Variants in GRM4 observed in about 807,000 individuals in gnomAD.
The protein encoded by GRM4 is glutamate metabotropic receptor 4.
A neutral mutation model predicts 81.7 loss-of-function variants in GRM4; 28 were observed. The observed-to-expected ratio is 0.34, with a 90% CI of 0.25 to 0.47. GRM4 has a LOEUF of 0.47. Among genes scored for constraint, GRM4 ranks in the 20% least tolerant of loss-of-function variants. GRM4 has a pLI of 1.00. For missense variants in GRM4, 948 were observed against 1,290.0 expected, an observed-to-expected ratio of 0.73 and a Z score of 4.06; for synonymous variants, 488 against 528.8, an observed-to-expected ratio of 0.92 and a Z score of 1.06.
In GRM4 at chr6:34,114,120, C is replaced by G. The variant is rs1175322037; in HGVS notation, c.519+18858G>C. Among the ~76,000 whole-genome samples the G allele has an allele frequency of 6.6e-6, 1 of 152,196 alleles. No individual in the cohort carries two copies. The highest frequency in any genetic ancestry group is 1.9e-4 in the East Asian group (1 of 5,180). On this transcript the variant is annotated intron_variant, in intron 2 of 10. Transcript: ENST00000538487. This position sits in a 1 kb window ranked among gnomAD's most constrained non-coding sequence, Gnocchi z 4.3. The stretch of plus-strand genomic sequence containing the variant: ...TGCCTTGTGTACAAGAGCCCTTCCC[C>G]TCCTTCACAACTCTCTAGCCCCTGG...
At chr6:34,044,777 C>CAA (rs1216770714) in intron 6 of GRM4, among the ~76,000 whole-genome samples, 2 of 141,968 alleles carry the variant, frequency 1.4e-5, no homozygotes, top group Admixed American at 1.4e-4. Context: ...TAGACATACA[C>CAA]ATACACACAC....
chr6:34,132,120 T>A (rs956601287), intron 2 of GRM4, among the ~76,000 whole-genome samples: 1 of 152,100 alleles, frequency 6.6e-6, no homozygotes, highest in African/African-American at 2.4e-5. Flanking sequence ...TTGGCTCCAA[T>A]TGAATTGCAA....
intron 5 of GRM4, among the ~76,000 whole-genome samples, chr6:34,056,912 T>A (rs1299676905): frequency 6.6e-6 from 1 of 152,234 alleles, no homozygotes; most frequent in Non-Finnish European, 1.5e-5. Context: ...AACTGCTGCC[T>A]TTATGGAAGA....
rs1317539380 is a variant in GRM4, at chr6:34,152,528, T to G, written c.312+2551A>C. Among the ~76,000 whole-genome samples the G allele has an allele frequency of 6.6e-6, 1 of 152,038 alleles. No individual in the cohort carries two copies. Among genetic ancestry groups the G allele is most frequent in the East Asian group, 1.9e-4 (1 of 5,180 alleles). ...CAGCAGCATTTCTGCAAACACCCCTTGTCCTCCTCCTCCTCTTCAGCTTTC... is the reference window on the plus strand; with the variant it reads ...CAGCAGCATTTCTGCAAACACCCCTGGTCCTCCTCCTCCTCTTCAGCTTTC... On this transcript the variant is annotated intron_variant, in intron 1 of 8. Transcript: ENST00000374177. The surrounding 1 kb of genome is among the most constrained non-coding windows in gnomAD (Gnocchi z 4.1).
At chr6:34,072,332 TCAC>T (rs1276634093) in intron 3 of GRM4, among the ~76,000 whole-genome samples, 9 of 106,914 alleles carry the variant, frequency 8.4e-5, no homozygotes, top group African/African-American at 2.6e-4. Context: ...CACACACACA[TCAC>T]CACATGGATG....
At chr6:34,141,942 A>T (rs1770711378) in intron 1 of GRM4, among the ~76,000 whole-genome samples, 2 of 152,200 alleles carry the variant, frequency 1.3e-5, no homozygotes, top group Admixed American at 6.5e-5. Flanking sequence ...GTACACAGAG[A>T]GAGGAGAGAC....
intron 2 of GRM4, among the ~76,000 whole-genome samples, chr6:34,110,177 C>G (rs1313745151): frequency 6.6e-6 from 1 of 152,110 alleles, no homozygotes; most frequent in Non-Finnish European, 1.5e-5. Flanking sequence ...AACTATAGTT[C>G]CAGCTACTCG....
intron 2 of GRM4, among the ~76,000 whole-genome samples, chr6:34,109,693 C>T (rs910901595): frequency 1.3e-5 from 2 of 152,144 alleles, no homozygotes; most frequent in Non-Finnish European, 1.5e-5. Flanking sequence ...TTACCCTCTA[C>T]GGTGTCCCTG....
intron 1 of GRM4, among the ~76,000 whole-genome samples, chr6:34,141,979 A>T (rs1770713587): frequency 6.6e-6 from 1 of 152,312 alleles, no homozygotes; most frequent in East Asian, 1.9e-4. Context: ...ACCAAGAAAA[A>T]GCAGCCTGCA....
Position 34,127,122 on chromosome 6 carries a change from C to T in GRM4, c.519+5856G>A, listed in dbSNP as rs546324871. Among the ~76,000 whole-genome samples, 143 of 152,264 alleles carry T rather than the reference C, an allele frequency of 9.4e-4. 1 individual carries two copies. Among genetic ancestry groups the T allele is most frequent in the Middle Eastern group, 6.8e-3 (2 of 294 alleles). On this transcript the variant is annotated intron_variant, in intron 2 of 10. Transcript: ENST00000538487. ...AGGCCAGATTTGGCTCCTAGTCTAT[C>T]GTTTGCTAACCCCTGGGCTAGAGGG... is the stretch of plus-strand genomic sequence containing the variant.
chr6:34,123,286 C>T (rs1769887916), intron 2 of GRM4, among the ~76,000 whole-genome samples: 1 of 152,198 alleles, frequency 6.6e-6, no homozygotes, highest in Non-Finnish European at 1.5e-5. Context: ...AGTCCCCATG[C>T]AAGGAGGCTC....
At chr6:34,103,824 CG>C (rs1484852448) in intron 2 of GRM4, 7 of 1,428,586 alleles carry the variant, frequency 4.9e-6, no homozygotes, top group Non-Finnish European at 6.4e-6. Context: ...ACAGGCACCA[CG>C]GTGAAAGACT....
upstream of GRM4, among the ~76,000 whole-genome samples, chr6:34,149,659 G>A (rs112216391): frequency 0.03 from 4,609 of 152,278 alleles, 140 homozygotes; most frequent in Middle Eastern, 0.085. Context: ...GGGACAGGCT[G>A]GGACAGGTAT....
At chr6:34,058,888 G>A (rs534231591) in intron 5 of GRM4, 86 bp downstream of exon 5, 14 of 1,014,194 alleles carry the variant, frequency 1.4e-5, no homozygotes, top group African/African-American at 4.7e-5. Context: ...GGAAAGAGGC[G>A]GAGCAGAAGG....
At position 34,115,801 on chromosome 6, in the gene GRM4, T is replaced by A. The variant is rs1769575583; in HGVS notation, c.519+17177A>T. 6.6e-6 allele frequency among the ~76,000 whole-genome samples: 1 copy of A among 152,126 alleles called. No individual in the cohort carries two copies. The highest frequency in any genetic ancestry group is 1.5e-5 in the Non-Finnish European group (1 of 68,022). On this transcript the variant is annotated intron_variant, in intron 2 of 10. Coordinates refer to ENST00000538487, the MANE Select transcript of GRM4 (RefSeq NM_000841.4). This position sits in a 1 kb window ranked among gnomAD's most constrained non-coding sequence, Gnocchi z 4.1. ...GGCTCCAGGAGAAACTGCGGACACA[T>A]CACACCTCCCTGGGCTCCATTTGTT...
At chr6:34,044,271 T>TACACATACACAC (rs765350831) in intron 6 of GRM4, among the ~76,000 whole-genome samples, 34,709 of 139,074 alleles carry the variant, frequency 0.25, 5,062 homozygotes, top group African/African-American at 0.41. Context: ...CATACACATA[T>TACACATACACAC]ACACATACAC....
intron 2 of GRM4, among the ~76,000 whole-genome samples, chr6:34,118,760 C>A (rs1001297482): frequency 6.6e-6 from 1 of 152,178 alleles, no homozygotes; most frequent in Non-Finnish European, 1.5e-5. Context: ...CCAAGGTGCA[C>A]ATAAAATATG....
chr6:34,126,936 G>A (rs1429120235), intron 2 of GRM4, among the ~76,000 whole-genome samples: 2 of 152,236 alleles, frequency 1.3e-5, no homozygotes, highest in Non-Finnish European at 2.9e-5. Context: ...CAAGACACAA[G>A]TGAATCGGCA....
intron 6 of GRM4, chr6:34,055,480 T>C (rs1765823400): frequency 6.6e-6 from 1 of 152,174 alleles, no homozygotes; most frequent in Admixed American, 6.5e-5. Flanking sequence ...CTCCCCTGGC[T>C]CTGGAGGAGC....
Sources: gnomAD v4.1 joint callset for allele counts (sites outside exome capture counted in the v4.1 genomes callset) on GRCh38, gnomAD v4.1.1 for gene constraint, Gnocchi (gnomAD v3.1) non-coding constraint, MANE v1.5 for transcripts, NCBI Gene and HGNC (gene_info 2026-07-23, HGNC 2026-07-21) for gene names.